Variants in CXXC5 observed in about 807,000 individuals in gnomAD.
The protein encoded by CXXC5 is CXXC finger protein 5.
Under a neutral mutation model 17.6 loss-of-function variants are expected in CXXC5, and 2 were observed. The ratio of observed to expected loss-of-function variants is 0.11; its 90% CI spans 0.05 to 0.36. The LOEUF is 0.36. Among genes scored for constraint, CXXC5 ranks in the 10% least tolerant of loss-of-function variants. The pLI is 1.00. For missense variants in CXXC5, 343 were observed against 458.3 expected (o/e 0.75, Z 2.30); for synonymous variants, 171 against 193.0 (o/e 0.89, Z 0.94).
rs1226419197 is a variant in CXXC5 at position 139,656,622 on chromosome 5, TA to T, written c.-161+7778del. Among the ~76,000 whole-genome samples the T allele has an allele frequency of 9.1e-4, 138 of 152,372 alleles. 1 individual carries two copies. Among genetic ancestry groups the T allele is most frequent in the African/African-American group, 3.1e-3 (128 of 41,592 alleles). ...CCTTGCAATGGGATATGGCAGTGAT[TA>T]CTTCTTGTACCCCCAGTGCCTGGCA... On this transcript the variant is annotated intron_variant, in intron 1 of 2. Coordinates refer to ENST00000302517, the MANE Select transcript of CXXC5 (RefSeq NM_016463.9).
At chr5:139,660,706 G>A (rs936884369) in intron 1 of CXXC5, among the ~76,000 whole-genome samples, 2 of 146,762 alleles carry the variant, frequency 1.4e-5, no homozygotes, top group East Asian at 4.2e-4. Context: ...GGGCCACTGG[G>A]AATTGGTGAA....
intron 1 of CXXC5, among the ~76,000 whole-genome samples, chr5:139,656,576 A>AT (rs1369537107): frequency 6.6e-6 from 1 of 152,136 alleles, no homozygotes; most frequent in Admixed American, 6.5e-5. Context: ...GGGGCTGCTT[A>AT]TTGGGCCTGC....
chr5:139,651,791 C>G (rs1234870970), intron 1 of CXXC5, among the ~76,000 whole-genome samples: 2 of 152,034 alleles, frequency 1.3e-5, no homozygotes, highest in East Asian at 3.9e-4. Flanking sequence ...TCCTAGAGCC[C>G]CTGTCTGGTG....
intron 1 of CXXC5, among the ~76,000 whole-genome samples, chr5:139,673,350 C>A (rs1756583785): frequency 6.6e-6 from 1 of 152,140 alleles, no homozygotes; most frequent in Non-Finnish European, 1.5e-5. Flanking sequence ...CTTCCTGAAC[C>A]TTTGACTCTT....
At chr5:139,667,993 G>A (rs888753624) in intron 1 of CXXC5, among the ~76,000 whole-genome samples, 10 of 152,228 alleles carry the variant, frequency 6.6e-5, no homozygotes, top group Admixed American at 2.0e-4. Flanking sequence ...GCTCCAAGGA[G>A]AGGGCCTGGG....
intron 1 of CXXC5, among the ~76,000 whole-genome samples, chr5:139,669,677 C>T (rs1756339578): frequency 6.6e-6 from 1 of 152,132 alleles, no homozygotes; most frequent in Non-Finnish European, 1.5e-5. Flanking sequence ...CACACAAGTA[C>T]AATTTTTGTC....
rs909058111 is a variant in CXXC5 at position 139,674,821 on chromosome 5, C to A, written c.-160-5543C>A. Among the ~76,000 whole-genome samples, 2 of 152,164 alleles carry A rather than the reference C, an allele frequency of 1.3e-5. 1 individual carries two copies. The highest frequency in any genetic ancestry group is 4.8e-5 in the African/African-American group (2 of 41,424). On this transcript the variant is annotated intron_variant, in intron 1 of 2. Coordinates refer to ENST00000302517, the MANE Select transcript of CXXC5 (RefSeq NM_016463.9). ...CTTGATCCTCATAGGAAGACCTCATCCCTACTAAAAATTAAAATAATAATA... is the reference window on the plus strand; with the variant it reads ...CTTGATCCTCATAGGAAGACCTCATACCTACTAAAAATTAAAATAATAATA...
chr5:139,672,663 G>A (rs985671165), intron 1 of CXXC5, among the ~76,000 whole-genome samples: 4 of 152,074 alleles, frequency 2.6e-5, no homozygotes, highest in African/African-American at 9.7e-5. Flanking sequence ...TTTCCCCTCT[G>A]TATCTCTACC....
chr5:139,657,304 G>A (rs1019477089), intron 1 of CXXC5, among the ~76,000 whole-genome samples: 3 of 152,226 alleles, frequency 2.0e-5, no homozygotes, highest in African/African-American at 7.2e-5. Flanking sequence ...TGGCCTCTGT[G>A]TGCTGTTTCC....
At chr5:139,660,306 C>T (rs1433347053) in intron 1 of CXXC5, among the ~76,000 whole-genome samples, 1 of 152,164 alleles carries the variant, frequency 6.6e-6, no homozygotes, top group East Asian at 1.9e-4. Context: ...CCGACTGTGG[C>T]CTCCAGGAAA....
At chr5:139,674,087 G>A (rs1319177882) in intron 1 of CXXC5, among the ~76,000 whole-genome samples, 2 of 152,202 alleles carry the variant, frequency 1.3e-5, no homozygotes, top group African/African-American at 4.8e-5. Flanking sequence ...GGTGCTCGCA[G>A]TGGCCAGTGT....
At chr5:139,655,709 G>A (rs911533664) in intron 1 of CXXC5, among the ~76,000 whole-genome samples, 3 of 151,882 alleles carry the variant, frequency 2.0e-5, no homozygotes, top group Non-Finnish European at 2.9e-5. Context: ...CAACTGGTCC[G>A]CCTGCCTGTC....
intron 1 of CXXC5, among the ~76,000 whole-genome samples, chr5:139,654,704 C>T (rs1384084812): frequency 6.6e-6 from 1 of 152,194 alleles, no homozygotes; most frequent in Non-Finnish European, 1.5e-5. Context: ...GGACAGACCC[C>T]ATGGGGCACA....
chr5:139,678,450 A>G (rs1421359773), intron 1 of CXXC5, among the ~76,000 whole-genome samples: 2 of 152,122 alleles, frequency 1.3e-5, no homozygotes, highest in African/African-American at 4.8e-5. Flanking sequence ...CATCTTGCCC[A>G]GCTCTTCCTC....
intron 1 of CXXC5, among the ~76,000 whole-genome samples, chr5:139,652,147 GGCGCGC>G (rs34430057): frequency 0.038 from 5,128 of 136,544 alleles, 79 homozygotes; most frequent in South Asian, 0.1. Flanking sequence ...CCTAGCCGCC[GGCGCGC>G]GCGCGCGCGC....
Position 139,670,830 on chromosome 5 carries a change from C to T in CXXC5, c.-160-9534C>T, listed in dbSNP as rs1240853523. On this transcript the variant is annotated intron_variant, in intron 1 of 2. Transcript: ENST00000302517. This position sits in a 1 kb window ranked among gnomAD's most constrained non-coding sequence, Gnocchi z 4.2. The stretch of plus-strand genomic sequence containing the variant: ...CTTTAATGCTGTGGTCTGTAGAGGG[C>T]GACATCTTGAGACTACACACTCAAC... Among the ~76,000 whole-genome samples the T allele has an allele frequency of 1.3e-5, 2 of 152,152 alleles. No individual in the cohort carries two copies. The highest frequency in any genetic ancestry group is 2.9e-5 in the Non-Finnish European group (2 of 68,026).
chr5:139,658,635 C>T lies in CXXC5; in HGVS notation c.-161+9790C>T, dbSNP rs1561535022. Among the ~76,000 whole-genome samples, 1 of 152,152 alleles carries T rather than the reference C, an allele frequency of 6.6e-6. No individual in the cohort carries two copies. Among genetic ancestry groups the T allele is most frequent in the Non-Finnish European group, 1.5e-5 (1 of 68,018 alleles). The stretch of plus-strand genomic sequence containing the variant: ...CCGCCCGCCCGCTGCCCACGCTTCC[C>T]GAGGCACCAGCGTGAGGAGGAAATG... On this transcript the variant is annotated intron_variant, in intron 1 of 2. Coordinates refer to ENST00000302517, the MANE Select transcript of CXXC5 (RefSeq NM_016463.9). This position sits in a 1 kb window ranked among gnomAD's most constrained non-coding sequence, Gnocchi z 4.1.
chr5:139,680,123 C>T (rs557940605), intron 1 of CXXC5, among the ~76,000 whole-genome samples: 32 of 152,294 alleles, frequency 2.1e-4, no homozygotes, highest in African/African-American at 6.7e-4. Flanking sequence ...TGGTAGTTCT[C>T]CTAAATCTTG....
chr5:139,677,011 G>A (rs1332513543), intron 1 of CXXC5, among the ~76,000 whole-genome samples: 4 of 132,082 alleles, frequency 3.0e-5, no homozygotes, highest in Admixed American at 8.4e-5. Context: ...GTCCCCGCCC[G>A]TCAGCCCCTG....
Sources: gnomAD v4.1 joint callset for allele counts (sites outside exome capture counted in the v4.1 genomes callset) on GRCh38, gnomAD v4.1.1 for gene constraint, Gnocchi (gnomAD v3.1) non-coding constraint, MANE v1.5 for transcripts, NCBI Gene and HGNC (gene_info 2026-07-23, HGNC 2026-07-21) for gene names.